Variants in AGBL4 observed in about 807,000 individuals in gnomAD.
AGBL4 encodes the protein AGBL carboxypeptidase 4.
A neutral mutation model predicts 66.4 loss-of-function variants in AGBL4; 58 were observed. The ratio of observed to expected loss-of-function variants is 0.87; its 90% CI spans 0.71 to 1.09. The LOEUF is 1.09. Ranked by LOEUF, AGBL4 falls within the 50% of genes least tolerant of loss-of-function variation. AGBL4 has a pLI of 0.00. For missense variants in AGBL4, 579 were observed against 631.0 expected (o/e 0.92, Z 0.88); for synonymous variants, 234 against 222.9 (o/e 1.05, Z -0.44).
At chr1:49,644,498 A>C (rs962014212) in intron 3 of AGBL4, among the ~76,000 whole-genome samples, 1 of 151,634 alleles carries the variant, frequency 6.6e-6, no homozygotes, top group Non-Finnish European at 1.5e-5. Flanking sequence ...GAAAGCAGGA[A>C]TGTCTATATT....
chr1:49,926,177 G>A (rs1465788947), intron 1 of AGBL4, among the ~76,000 whole-genome samples: 1 of 152,196 alleles, frequency 6.6e-6, no homozygotes, highest in African/African-American at 2.4e-5. Context: ...CAGTTCAAAA[G>A]AGAAAGAGAC....
At chr1:49,859,687 C>G (rs1256901511) in intron 1 of AGBL4, among the ~76,000 whole-genome samples, 1 of 151,428 alleles carries the variant, frequency 6.6e-6, no homozygotes, top group Non-Finnish European at 1.5e-5. Flanking sequence ...AAAAATTACC[C>G]CCCAGTATTG....
chr1:49,352,168 C>G (rs180984316), intron 3 of AGBL4, among the ~76,000 whole-genome samples: 6 of 152,218 alleles, frequency 3.9e-5, no homozygotes, highest in Admixed American at 3.9e-4. Flanking sequence ...CACAGAACAC[C>G]GCTTGCATCT....
chr1:49,747,593 C>T (rs992623281), intron 2 of AGBL4, among the ~76,000 whole-genome samples: 5 of 152,200 alleles, frequency 3.3e-5, no homozygotes, highest in African/African-American at 1.2e-4. Flanking sequence ...AGCATTTGAT[C>T]TCTAAACTAA....
chr1:48,653,509 A>G (rs1347049377), intron 7 of AGBL4, 58 bp from the exon 8 acceptor site: 1 of 1,321,036 alleles, frequency 7.6e-7, no homozygotes, highest in Non-Finnish European at 1.1e-6. Flanking sequence ...AAGGAAACAC[A>G]TTTTTCTCAG....
intron 2 of AGBL4, among the ~76,000 whole-genome samples, chr1:49,829,298 C>T (rs1467161241): frequency 1.3e-5 from 2 of 152,006 alleles, no homozygotes; most frequent in African/African-American, 2.4e-5. Flanking sequence ...TTGGAAAATG[C>T]CTTATAGGTC....
rs141552810 is a variant in AGBL4 at position 49,107,673 on chromosome 1, ATGTGTG to A, written c.378-61879_378-61874del. Among the ~76,000 whole-genome samples, 51 of 129,970 alleles carry A rather than the reference ATGTGTG, an allele frequency of 3.9e-4. 2 individuals are homozygous for A. The highest frequency in any genetic ancestry group is 1.5e-3 in the African/African-American group (49 of 33,112). 85.3% of individuals were successfully genotyped at this position (129,970 alleles called of 152,430 possible). A position where few individuals can be genotyped will look rare whatever the true frequency, so the allele number is the denominator to read the frequency against. The stretch of plus-strand genomic sequence containing the variant: ...CCTGTGGGCATGTATGAATATGTGT[ATGTGTG>A]TGTGTGTGTGTGTGTGAGAGAGAGA... On this transcript the variant is annotated intron_variant, in intron 4 of 13. Coordinates refer to ENST00000371839, the MANE Select transcript of AGBL4 (RefSeq NM_032785.4).
At chr1:49,685,576 C>T (rs1176701512) in intron 3 of AGBL4, among the ~76,000 whole-genome samples, 1 of 152,124 alleles carries the variant, frequency 6.6e-6, no homozygotes, top group Non-Finnish European at 1.5e-5. Context: ...TATGTTTTGA[C>T]TTTTTAATAG....
intron 11 of AGBL4, among the ~76,000 whole-genome samples, chr1:48,575,976 C>A (rs931650128): frequency 3.9e-5 from 6 of 152,120 alleles, no homozygotes; most frequent in Admixed American, 3.3e-4. Context: ...CACAAAAGTT[C>A]AGAATGGAGC....
At chr1:49,771,990 G>A (rs1425471125) in intron 2 of AGBL4, among the ~76,000 whole-genome samples, 1 of 152,002 alleles carries the variant, frequency 6.6e-6, no homozygotes, top group East Asian at 1.9e-4. Context: ...TCATTGATAG[G>A]TAAGGATGTA....
intron 5 of AGBL4, among the ~76,000 whole-genome samples, chr1:48,890,792 T>C (rs896995870): frequency 2.6e-5 from 4 of 152,204 alleles, no homozygotes; most frequent in African/African-American, 9.7e-5. Flanking sequence ...TCATGGATAC[T>C]TGCAGTCTGG....
rs1648184660 is a variant in AGBL4, at chr1:49,887,443, T to TA, written c.35-35926dup. Among the ~76,000 whole-genome samples, 3 of 152,094 alleles carry TA rather than the reference T, an allele frequency of 2.0e-5. No homozygotes were observed. In the East Asian group the frequency reaches 5.8e-4, roughly 29 times the overall value. ...TGAATCTGGAAAAGATAAGTTGTTC[T>TA]AAAATGAAAGGCCCGGAGATTCAAA... On this transcript the variant is annotated intron_variant, in intron 1 of 13. Transcript: ENST00000371839.
chr1:49,908,116 G>A (rs758475309), intron 1 of AGBL4, among the ~76,000 whole-genome samples: 1 of 152,176 alleles, frequency 6.6e-6, no homozygotes, highest in South Asian at 2.1e-4. Flanking sequence ...GCTCATGCCT[G>A]TAATCCTAGG....
At chr1:48,872,958 C>CT (rs1436234842) in intron 5 of AGBL4, among the ~76,000 whole-genome samples, 1 of 152,192 alleles carries the variant, frequency 6.6e-6, no homozygotes, top group Non-Finnish European at 1.5e-5. Context: ...CGAGTGCTGG[C>CT]TACATCTCTG....
intron 3 of AGBL4, among the ~76,000 whole-genome samples, chr1:49,468,851 A>C (rs955978736): frequency 6.6e-6 from 1 of 151,830 alleles, no homozygotes; most frequent in African/African-American, 2.4e-5. Context: ...AAAATGTTGA[A>C]ATTTCCTCAG....
chr1:49,326,481 AG>A (rs1645230715), intron 3 of AGBL4, among the ~76,000 whole-genome samples: 1 of 152,206 alleles, frequency 6.6e-6, no homozygotes, highest in African/African-American at 2.4e-5. Context: ...ATCAGCCATG[AG>A]GGTGAATGAG....
intron 5 of AGBL4, among the ~76,000 whole-genome samples, chr1:48,947,870 C>T (rs1201503573): frequency 1.3e-5 from 2 of 151,516 alleles, no homozygotes; most frequent in African/African-American, 4.9e-5. Context: ...TAAAACAGGA[C>T]AGCTGCTAAA....
At chr1:49,210,752 T>G (rs991696037) in intron 4 of AGBL4, among the ~76,000 whole-genome samples, 1 of 152,058 alleles carries the variant, frequency 6.6e-6, no homozygotes, top group Non-Finnish European at 1.5e-5. Flanking sequence ...TATATGAACT[T>G]ACACAAATAC....
At chr1:49,548,107 T>C (rs1652649892) in intron 3 of AGBL4, among the ~76,000 whole-genome samples, 1 of 152,160 alleles carries the variant, frequency 6.6e-6, no homozygotes, top group Admixed American at 6.5e-5. Flanking sequence ...CTCTGCTTGG[T>C]TGCTGTCGTT....
Sources: allele counts gnomAD v4.1 joint callset (sites outside exome capture counted in the v4.1 genomes callset), GRCh38; gene constraint gnomAD v4.1.1; transcripts MANE v1.5; gene names NCBI Gene and HGNC (gene_info 2026-07-23, HGNC 2026-07-21).